LAMA4: variants seen among roughly 807,000 people sequenced by gnomAD.
The protein encoded by LAMA4 is laminin subunit alpha 4, also known as laminin subunit alpha-4.
In LAMA4, 127 loss-of-function variants were observed where a neutral mutation model predicts 207.1. That is an observed-to-expected ratio of 0.61 (90% CI 0.53 to 0.71). The LOEUF is 0.71. LAMA4 is among the 30% of genes least tolerant of loss of function. The pLI is 0.00. For missense variants in LAMA4, 2,093 were observed against 2,246.5 expected, an observed-to-expected ratio of 0.93 and a Z score of 1.38; for synonymous variants, 761 against 816.0, an observed-to-expected ratio of 0.93 and a Z score of 1.15.
At chr6:112,111,344 G>GA (rs1173672449) in intron 38 of LAMA4, among the ~76,000 whole-genome samples, 2 of 151,864 alleles carry the variant, frequency 1.3e-5, no homozygotes, top group Admixed American at 6.6e-5. Context: ...ATGTCCGGCA[G>GA]AAAAAAAATT....
chr6:112,115,791 G>A, intron 36 of LAMA4, 72 bp downstream of exon 36: 1 of 1,433,268 alleles, frequency 7.0e-7, no homozygotes, highest in Non-Finnish European at 9.8e-7. Context: ...ATAATTCTGT[G>A]AAATAAATCT....
chr6:112,120,904 T>C (rs1284369066), intron 32 of LAMA4, among the ~76,000 whole-genome samples: 2 of 152,008 alleles, frequency 1.3e-5, no homozygotes, highest in Admixed American at 1.3e-4. Flanking sequence ...GAACCCCGTC[T>C]CTACAAAAAA....
chr6:112,200,809 A>G (rs1783696201), intron 5 of LAMA4, among the ~76,000 whole-genome samples: 1 of 151,994 alleles, frequency 6.6e-6, no homozygotes, highest in African/African-American at 2.4e-5. Context: ...ACATGTTCTC[A>G]CTCATAAGTG....
At chr6:112,146,853 C>T (rs371179264) in intron 18 of LAMA4, among the ~76,000 whole-genome samples, 2 of 152,090 alleles carry the variant, frequency 1.3e-5, no homozygotes, top group East Asian at 1.9e-4. Flanking sequence ...TCACTGACAA[C>T]GACATTTATT....
chr6:112,155,758 G>A (rs782190602), intron 14 of LAMA4, 52 bp from the exon 15 acceptor site: 1 of 1,589,114 alleles, frequency 6.3e-7, no homozygotes, highest in Non-Finnish European at 8.6e-7. Flanking sequence ...TTGGGGAATG[G>A]GGCCATGTTT....
chr6:112,123,284 C>A (rs1554326626), intron 31 of LAMA4, among the ~76,000 whole-genome samples: 1 of 152,172 alleles, frequency 6.6e-6, no homozygotes, highest in Non-Finnish European at 1.5e-5. Flanking sequence ...ACTGAATGCA[C>A]ACTCACAGGC....
intron 9 of LAMA4, among the ~76,000 whole-genome samples, chr6:112,183,937 C>T (rs1171487977): frequency 4.9e-4 from 57 of 115,260 alleles, no homozygotes; most frequent in African/African-American, 1.7e-3. Context: ...GGCAACAAAG[C>T]GAGACTCCAT....
At chr6:112,190,940 T>TTCCTTCC (rs1783049273) in intron 6 of LAMA4, among the ~76,000 whole-genome samples, 2 of 51,508 alleles carry the variant, frequency 3.9e-5, no homozygotes, top group African/African-American at 7.7e-5. Flanking sequence ...TCTTTCTTTC[T>TTCCTTCC]TTCTTTCCTT....
At position 112,109,320 on chromosome 6, in the gene LAMA4, T is replaced by C. The variant is rs936598654; in HGVS notation, c.*117A>G. On this transcript the variant is annotated 3_prime_UTR_variant, in exon 39 of 39. Transcript: ENST00000230538. ...GGTCCCTGATGATTCGTTTAAGTCC[T>C]GTTCAACTCGATGAAAGCTTCCACC... is the stretch of plus-strand genomic sequence containing the variant. The C allele has an allele frequency of 6.4e-6, 7 of 1,096,226 alleles. No homozygotes were observed. The East Asian group carries it at 1.8e-4, about 27-fold the overall frequency. The allele number at this position is 1,096,226 out of a possible 1,614,324, so 67.9% of individuals were successfully genotyped here.
chr6:112,225,637 T>C (rs528539854), intron 2 of LAMA4, among the ~76,000 whole-genome samples: 5 of 152,334 alleles, frequency 3.3e-5, no homozygotes, highest in African/African-American at 7.2e-5. Flanking sequence ...TGAACTGTTA[T>C]AAACTTACTC....
intron 4 of LAMA4, among the ~76,000 whole-genome samples, chr6:112,205,001 G>A (rs1173915521): frequency 9.2e-5 from 14 of 152,104 alleles, no homozygotes; most frequent in African/African-American, 2.4e-4. Context: ...AAAAAACATC[G>A]GGGGAATCTG....
At chr6:112,234,242 GTGATTCTC>G (rs1261516394) in intron 2 of LAMA4, 2 of 152,010 alleles carry the variant, frequency 1.3e-5, no homozygotes, top group Non-Finnish European at 2.9e-5. Context: ...ACTTGGTTTT[GTGATTCTC>G]TGAGTAACTG....
intron 13 of LAMA4, among the ~76,000 whole-genome samples, chr6:112,164,753 C>G (rs1781286199): frequency 6.6e-6 from 1 of 152,134 alleles, no homozygotes; most frequent in Non-Finnish European, 1.5e-5. Context: ...TTATCAAACA[C>G]AACTTTATGA....
chr6:112,141,643 T>C, intron 20 of LAMA4, 140 bp from the exon 21 acceptor site: 1 of 710,570 alleles, frequency 1.4e-6, no homozygotes, highest in Non-Finnish European at 2.5e-6. Flanking sequence ...GAAGCTCCTG[T>C]GAGCAGGCAG....
rs1400653771 is a variant in LAMA4, at chr6:112,117,203, G to A, written c.4981+536C>T. 6.6e-6 allele frequency among the ~76,000 whole-genome samples: 1 copy of A among 152,106 alleles called. No individual in the cohort carries two copies. The highest frequency in any genetic ancestry group is 1.5e-5 in the Non-Finnish European group (1 of 68,030). On this transcript the variant is annotated intron_variant, in intron 35 of 38. Coordinates refer to ENST00000230538, the MANE Select transcript of LAMA4 (RefSeq NM_001105206.3). This position sits in a 1 kb window ranked among gnomAD's most constrained non-coding sequence, Gnocchi z 4.5. ...TCTGCTAGGATTTTATTTATTTTTA[G>A]AACTGTTATGTCCCATCATCTGGCA... is the stretch of plus-strand genomic sequence containing the variant.
chr6:112,196,863 C>T (rs1404585167), intron 5 of LAMA4, among the ~76,000 whole-genome samples: 1 of 152,096 alleles, frequency 6.6e-6, no homozygotes, highest in Non-Finnish European at 1.5e-5. Context: ...CAACTGAGGC[C>T]TTCAACATGC....
intron 12 of LAMA4, among the ~76,000 whole-genome samples, chr6:112,170,052 C>A (rs781956186): frequency 2.6e-5 from 4 of 152,114 alleles, no homozygotes; most frequent in Non-Finnish European, 5.9e-5. Flanking sequence ...AAGATCTATT[C>A]CTAAAAATAA....
chr6:112,220,894 A>G (rs1288889385), intron 2 of LAMA4, among the ~76,000 whole-genome samples: 5 of 152,160 alleles, frequency 3.3e-5, no homozygotes, highest in African/African-American at 1.2e-4. Context: ...AAAAATTTTC[A>G]CAAAAATCTC....
intron 15 of LAMA4, 109 bp downstream of exon 15, chr6:112,155,456 C>T (rs531235056): frequency 2.8e-5 from 35 of 1,260,978 alleles, no homozygotes; most frequent in African/African-American, 1.5e-5. Context: ...CTGCCTTTTC[C>T]ACTCTTTCTG....
Sources: allele counts gnomAD v4.1 joint callset (sites outside exome capture counted in the v4.1 genomes callset), GRCh38; gene constraint gnomAD v4.1.1; non-coding constraint Gnocchi (gnomAD v3.1); transcripts MANE v1.5; gene names NCBI Gene and HGNC (gene_info 2026-07-23, HGNC 2026-07-21).